PFKFB4: variants seen among roughly 807,000 people sequenced by gnomAD.
The protein encoded by PFKFB4 is 6-phosphofructo-2-kinase/fructose-2,6-biphosphatase 4, also known as 6-phosphofructo-2-kinase/fructose-2,6-bisphosphatase 4.
A neutral mutation model predicts 62.8 loss-of-function variants in PFKFB4; 42 were observed. The observed-to-expected ratio is 0.67, with a 90% CI of 0.52 to 0.86. The LOEUF (loss-of-function observed/expected upper bound fraction) is 0.86, where lower values mean the gene tolerates loss of function less well. Ranked by LOEUF, PFKFB4 falls within the 40% of genes least tolerant of loss-of-function variation. The probability of loss-of-function intolerance (pLI) is 0.00; values close to 1 mark genes in which losing one functional copy is unlikely to be tolerated. For missense variants in PFKFB4, 475 were observed against 627.2 expected (o/e 0.76, Z 2.59); for synonymous variants, 204 against 240.7 (o/e 0.85, Z 1.41).
chr3:48,535,679 A>G, intron 8 of PFKFB4, 21 bp from the exon 9 acceptor site: 2 of 1,613,710 alleles, frequency 1.2e-6, no homozygotes, highest in Non-Finnish European at 1.7e-6. Flanking sequence ...TCATAAGCAA[A>G]CTCAGACCCA....
Position 48,519,168 on chromosome 3 carries a change from C to T in PFKFB4, c.*579G>A, listed in dbSNP as rs2042009562. 6.6e-6 allele frequency: 1 copy of T among 152,460 alleles called. No individual in the cohort carries two copies. The highest frequency in any genetic ancestry group is 2.1e-4 in the South Asian group (1 of 4,844). 9.4% of individuals were successfully genotyped at this position (152,460 alleles called of 1,614,324 possible). ...GGTGACATGGATACAACGGCCTGGC[C>T]AGTGGCTGCCCAGGAAGCATCTGCT... On this transcript the variant is annotated 3_prime_UTR_variant, in exon 14 of 14. Transcript: ENST00000232375.
intron 4 of PFKFB4, among the ~76,000 whole-genome samples, chr3:48,542,155 A>G (rs956759905): frequency 1.4e-4 from 21 of 151,912 alleles, no homozygotes; most frequent in Non-Finnish European, 7.4e-5. Flanking sequence ...GACCATGGTG[A>G]AACCCCATCT....
In PFKFB4 at chr3:48,519,417, A is replaced by G. The variant is rs2042019418; in HGVS notation, c.*330T>C. ...CTTTCCTTTCACATTGTAGGGTTTCACACTTCACAAAGCCAACTGAGCTGG... is the reference window on the plus strand; with the variant it reads ...CTTTCCTTTCACATTGTAGGGTTTCGCACTTCACAAAGCCAACTGAGCTGG... On this transcript the variant is annotated 3_prime_UTR_variant, in exon 14 of 14. Coordinates refer to ENST00000232375, the MANE Select transcript of PFKFB4 (RefSeq NM_004567.4). 3.3e-6 allele frequency: 1 copy of G among 306,382 alleles called. No homozygotes were observed. 19.0% of individuals were successfully genotyped at this position (306,382 alleles called of 1,614,324 possible). A position where few individuals can be genotyped will look rare whatever the true frequency, so the allele number is the denominator to read the frequency against.
intron 3 of PFKFB4, among the ~76,000 whole-genome samples, chr3:48,548,838 C>T (rs1316225583): frequency 1.3e-5 from 2 of 152,206 alleles, no homozygotes; most frequent in Non-Finnish European, 2.9e-5. Context: ...GTGCCACAGC[C>T]TGGCCCAGCC....
chr3:48,546,000 T>TG (rs1325310917), intron 3 of PFKFB4, among the ~76,000 whole-genome samples: 1 of 152,096 alleles, frequency 6.6e-6, no homozygotes, highest in African/African-American at 2.4e-5. Context: ...GGGAAGAGCC[T>TG]GGGAGCCTGT....
At position 48,521,240 on chromosome 3, in the gene PFKFB4, TCTC is replaced by T. The variant is rs1293925060; in HGVS notation, c.1350+743_1350+745del. Among the ~76,000 whole-genome samples, 2 of 152,120 alleles carry T rather than the reference TCTC, an allele frequency of 1.3e-5. No individual in the cohort carries two copies. The highest frequency in any genetic ancestry group is 1.5e-5 in the Non-Finnish European group (1 of 68,014). On this transcript the variant is annotated intron_variant, in intron 13 of 13. Transcript: ENST00000232375. This position sits in a 1 kb window ranked among gnomAD's most constrained non-coding sequence, Gnocchi z 5.3. ...AGGCATGACTGAGGCCCAAGAGCCT[TCTC>T]CGTGCAGTGGCCTCCAGGAACTGGG...
At chr3:48,550,544 A>AG (rs1185231458) in intron 1 of PFKFB4, among the ~76,000 whole-genome samples, 5 of 152,148 alleles carry the variant, frequency 3.3e-5, no homozygotes, top group African/African-American at 4.8e-5. Flanking sequence ...AAACATGGCT[A>AG]GGGGGGTCCC....
chr3:48,550,227 C>A lies in PFKFB4; in HGVS notation c.105G>T (p.Met35Ile). 1 of 1,611,520 alleles carries A rather than the reference C, an allele frequency of 6.2e-7. No homozygotes were observed. The highest frequency in any genetic ancestry group is 1.1e-5 in the South Asian group (1 of 90,996). ...TGACAATGAGAGTTGGGCAGTTGGT[C>A]ATGCACACTAAAAGGCAAGCAGCAC... is the stretch of plus-strand genomic sequence containing the variant. Reference protein sequence around the residue: ...ALHACQRGVCMTNCPTLIVMV... With the variant: ...ALHACQRGVCITNCPTLIVMV... The change falls in exon 2 of 14, where the codon ATG becomes ATT. Residue 35 changes from methionine to isoleucine, a missense_variant. Physicochemically the swap from Met to Ile is conservative, Grantham distance 10 (BLOSUM62 1). Transcript: ENST00000232375.
At chr3:48,562,874 T>C, upstream of PFKFB4, 1 of 1,598,810 alleles carries the variant, frequency 6.3e-7, no homozygotes, top group Non-Finnish European at 8.5e-7. The surrounding 1 kb of genome is among the most constrained non-coding windows in gnomAD (Gnocchi z 4.3). Flanking sequence ...CAGTAAGATC[T>C]GCAAGAGGCC....
intron 1 of PFKFB4, among the ~76,000 whole-genome samples, chr3:48,551,583 C>CAGG (rs1173659728): frequency 8.2e-6 from 1 of 121,314 alleles, no homozygotes; most frequent in Non-Finnish European, 1.6e-5. Flanking sequence ...CGCCCTTGCC[C>CAGG]AGGCTGGAGT....
Position 48,521,877 on chromosome 3 carries a change from A to G in PFKFB4, c.1350+109T>C, listed in dbSNP as rs1414131205. ...GGACAACAGTCTTGGCAGAAGACTC[A>G]AGCTCCCTCTGGCAGGTGCCGCAGC... On this transcript the variant is annotated intron_variant, in intron 13 of 13. Transcript: ENST00000232375. This position sits in a 1 kb window ranked among gnomAD's most constrained non-coding sequence, Gnocchi z 5.3. The G allele has an allele frequency of 1.4e-5, 13 of 933,644 alleles. No homozygotes were observed. Among genetic ancestry groups the G allele is most frequent in the Non-Finnish European group, 2.1e-5 (12 of 566,742 alleles). 57.8% of individuals were successfully genotyped at this position (933,644 alleles called of 1,614,324 possible).
At chr3:48,549,346 G>T (rs2043056907) in intron 3 of PFKFB4, among the ~76,000 whole-genome samples, 1 of 152,108 alleles carries the variant, frequency 6.6e-6, no homozygotes, top group South Asian at 2.1e-4. Flanking sequence ...AAATACACAG[G>T]AGAGAGCTTA....
At chr3:48,544,944 G>A (rs986894638) in intron 3 of PFKFB4, among the ~76,000 whole-genome samples, 5 of 152,014 alleles carry the variant, frequency 3.3e-5, no homozygotes, top group African/African-American at 7.2e-5. Context: ...GGCTGGTCTC[G>A]AACTCCTGAC....
At chr3:48,560,517 C>G (rs1462031250), upstream of PFKFB4, among the ~76,000 whole-genome samples, 1 of 152,214 alleles carries the variant, frequency 6.6e-6, no homozygotes, top group Non-Finnish European at 1.5e-5. Context: ...ACAGGGCGTA[C>G]AGTAGGTGCT....
intron 10 of PFKFB4, 56 bp from the exon 11 acceptor site, chr3:48,523,886 C>T: frequency 5.7e-6 from 9 of 1,575,994 alleles, no homozygotes; most frequent in Admixed American, 1.7e-5. Context: ...GAGGGACAGA[C>T]ACATCCTGGA....
upstream of PFKFB4, among the ~76,000 whole-genome samples, chr3:48,560,720 A>G (rs2107618716): frequency 6.6e-6 from 1 of 152,302 alleles, no homozygotes; most frequent in South Asian, 2.1e-4. Flanking sequence ...GACTTCCCCA[A>G]ACTGGTGTGA....
intron 9 of PFKFB4, among the ~76,000 whole-genome samples, chr3:48,530,773 C>T (rs747961578): frequency 4.6e-5 from 7 of 152,096 alleles, no homozygotes; most frequent in Non-Finnish European, 1.0e-4. Context: ...AGTGACATAT[C>T]TTGGCTCACT....
intron 12 of PFKFB4, among the ~76,000 whole-genome samples, chr3:48,522,819 G>A (rs990621263): frequency 1.3e-5 from 2 of 151,440 alleles, no homozygotes; most frequent in African/African-American, 4.9e-5. Context: ...GGAGTGCAGT[G>A]GTGCGATCTC....
chr3:48,548,143 G>C (rs949138846), intron 3 of PFKFB4: 1 of 152,142 alleles, frequency 6.6e-6, no homozygotes, highest in Non-Finnish European at 1.5e-5. Flanking sequence ...CCCTACCTTA[G>C]GGGGACAGCC....
Sources: allele counts gnomAD v4.1 joint callset (sites outside exome capture counted in the v4.1 genomes callset), GRCh38; gene constraint gnomAD v4.1.1; non-coding constraint Gnocchi (gnomAD v3.1); transcripts MANE v1.5; gene names NCBI Gene and HGNC (gene_info 2026-07-23, HGNC 2026-07-21).